The following RSU1 variants were observed in gnomAD, a reference collection of about 807,000 sequenced individuals.
RSU1 encodes rsu-1.
A neutral mutation model predicts 31.1 loss-of-function variants in RSU1; 26 were observed. The ratio of observed to expected loss-of-function variants is 0.84; its 90% CI spans 0.61 to 1.16. RSU1 has a LOEUF of 1.16. Ranked by LOEUF, RSU1 falls within the 50% of genes most tolerant of loss-of-function variation. The pLI, the probability that RSU1 is intolerant of heterozygous loss-of-function variation, is 0.00. For synonymous variants in RSU1, 164 were observed against 136.3 expected (o/e 1.20, Z -1.41); for missense variants, 320 against 339.1 (o/e 0.94, Z 0.44).
At chr10:16,671,099 T>C (rs936016532) in intron 8 of RSU1, among the ~76,000 whole-genome samples, 5 of 152,080 alleles carry the variant, frequency 3.3e-5, no homozygotes, top group Non-Finnish European at 7.4e-5. Context: ...ATGACTGAAA[T>C]GAAAGAACCT....
chr10:16,741,402 T>C (rs1836747633), intron 7 of RSU1, among the ~76,000 whole-genome samples: 1 of 152,044 alleles, frequency 6.6e-6, no homozygotes, highest in African/African-American at 2.4e-5. Flanking sequence ...AAGAAAAGGG[T>C]ATGGCATTTC....
intron 8 of RSU1, among the ~76,000 whole-genome samples, chr10:16,645,181 A>C (rs1328249745): frequency 6.6e-6 from 1 of 152,228 alleles, no homozygotes; most frequent in African/African-American, 2.4e-5. Context: ...TTTCGTAAAC[A>C]TAAATAAGGA....
intron 8 of RSU1, among the ~76,000 whole-genome samples, chr10:16,635,312 C>A (rs2131495562): frequency 6.6e-6 from 1 of 152,286 alleles, no homozygotes; most frequent in South Asian, 2.1e-4. Context: ...ATTCTCTATC[C>A]CTCTGCTAAC....
chr10:16,712,442 T>C (rs1354960459), intron 7 of RSU1, among the ~76,000 whole-genome samples: 2 of 152,136 alleles, frequency 1.3e-5, no homozygotes, highest in African/African-American at 4.8e-5. Flanking sequence ...TTTGGTGGTT[T>C]TCTGTGCTGC....
At chr10:16,744,863 A>G (rs1306007055) in intron 7 of RSU1, among the ~76,000 whole-genome samples, 1 of 152,068 alleles carries the variant, frequency 6.6e-6, no homozygotes, top group Admixed American at 6.6e-5. Context: ...CCTTCATCTG[A>G]GCTCCTCCCT....
At chr10:16,634,771 T>C (rs1834318687) in intron 8 of RSU1, among the ~76,000 whole-genome samples, 1 of 152,220 alleles carries the variant, frequency 6.6e-6, no homozygotes, top group Non-Finnish European at 1.5e-5. Context: ...CTAAGGAAAT[T>C]GAGTCCATGG....
At chr10:16,770,957 TAAAAAA>T (rs10547207) in intron 3 of RSU1, among the ~76,000 whole-genome samples, 6 of 120,098 alleles carry the variant, frequency 5.0e-5, no homozygotes, top group South Asian at 2.7e-4. Context: ...TATTGCTATT[TAAAAAA>T]AAAAAAAAAA....
intron 8 of RSU1, among the ~76,000 whole-genome samples, chr10:16,648,149 A>G (rs1834608855): frequency 6.9e-6 from 1 of 145,874 alleles, no homozygotes; most frequent in South Asian, 2.1e-4. Context: ...TTTTTTTTTA[A>G]GAGACTAGGT....
intron 7 of RSU1, chr10:16,727,274 G>A (rs1011649309): frequency 1.1e-5 from 4 of 359,290 alleles, no homozygotes; most frequent in African/African-American, 2.1e-5. Flanking sequence ...CTTGATTGGA[G>A]GCAAATGGAC....
chr10:16,732,366 T>C (rs1836532330), intron 7 of RSU1, among the ~76,000 whole-genome samples: 1 of 152,190 alleles, frequency 6.6e-6, no homozygotes, highest in African/African-American at 2.4e-5. Flanking sequence ...TATTTGGAAG[T>C]AGGGTCCTTG....
chr10:16,776,090 C>A lies in RSU1; in HGVS notation c.160+5944G>T, dbSNP rs141214426. Among the ~76,000 whole-genome samples, 672 of 152,290 alleles carry A rather than the reference C, an allele frequency of 4.4e-3. 5 individuals carry two copies. Among genetic ancestry groups the A allele is most frequent in the African/African-American group, 0.013 (541 of 41,568 alleles). ...GAGGGAATAACTACAGACTTAAGAA[C>A]AGCAAGGTCTGAGAAGAGTGGTGAA... On this transcript the variant is annotated intron_variant, in intron 3 of 8. Transcript: ENST00000345264.
intron 7 of RSU1, among the ~76,000 whole-genome samples, chr10:16,713,368 C>T (rs1836062646): frequency 6.6e-6 from 1 of 152,182 alleles, no homozygotes; most frequent in South Asian, 2.1e-4. Flanking sequence ...TCGCATGAGT[C>T]CCACAGGCTT....
At chr10:16,732,280 C>A (rs1388735809) in intron 7 of RSU1, among the ~76,000 whole-genome samples, 1 of 152,196 alleles carries the variant, frequency 6.6e-6, no homozygotes, top group African/African-American at 2.4e-5. Context: ...TAAAATCTCA[C>A]CTCTACTTCC....
chr10:16,601,750 C>G (rs1408577259), intron 8 of RSU1, among the ~76,000 whole-genome samples: 1 of 152,226 alleles, frequency 6.6e-6, no homozygotes, highest in Non-Finnish European at 1.5e-5. Flanking sequence ...TCCTCTCTTT[C>G]TGCACTAACA....
chr10:16,782,550 T>C (rs1164264320), intron 2 of RSU1, among the ~76,000 whole-genome samples: 1 of 152,214 alleles, frequency 6.6e-6, no homozygotes, highest in African/African-American at 2.4e-5. Context: ...GCCAGTGTTA[T>C]TGCTTCAGCT....
intron 8 of RSU1, among the ~76,000 whole-genome samples, chr10:16,683,989 T>C (rs949908532): frequency 2.6e-5 from 4 of 152,188 alleles, no homozygotes; most frequent in Admixed American, 6.5e-5. Flanking sequence ...AGATAAAAGA[T>C]TGTGGAGACC....
chr10:16,606,407 G>A (rs1405603026), intron 8 of RSU1, among the ~76,000 whole-genome samples: 1 of 152,120 alleles, frequency 6.6e-6, no homozygotes, highest in Non-Finnish European at 1.5e-5. Context: ...TGGGATTACA[G>A]GTACAACTCA....
At chr10:16,800,962 C>CA (rs772645083) in intron 2 of RSU1, among the ~76,000 whole-genome samples, 10,002 of 140,858 alleles carry the variant, frequency 0.071, 401 homozygotes, top group East Asian at 0.15. Context: ...GAGCAGAAGA[C>CA]AAAAAAAAAA....
At chr10:16,785,664 G>A (rs1047086675) in intron 2 of RSU1, among the ~76,000 whole-genome samples, 31 of 149,760 alleles carry the variant, frequency 2.1e-4, no homozygotes, top group African/African-American at 7.7e-4. Flanking sequence ...TCCACATGAC[G>A]TTTGGTGGGG....
Sources: gnomAD v4.1 joint callset for allele counts (sites outside exome capture counted in the v4.1 genomes callset) on GRCh38, gnomAD v4.1.1 for gene constraint, MANE v1.5 for transcripts, NCBI Gene and HGNC (gene_info 2026-07-23, HGNC 2026-07-21) for gene names.